DGKH: variants seen among roughly 807,000 people sequenced by gnomAD.
The protein encoded by DGKH is diacylglycerol kinase eta.
DGKH carries 90 observed loss-of-function variants against 159.3 expected under a neutral mutation model. The observed-to-expected ratio is 0.57, with a 90% confidence interval of 0.48 to 0.67. The LOEUF is 0.67. Ranked by LOEUF, DGKH falls within the 30% of genes least tolerant of loss-of-function variation. The pLI, the probability that DGKH is intolerant of heterozygous loss-of-function variation, is 0.00. For synonymous variants in DGKH, 536 were observed against 553.8 expected (o/e 0.97, Z 0.45); for missense variants, 1,181 against 1,506.1 (o/e 0.78, Z 3.57).
chr13:42,126,282 G>A (rs551089985), intron 1 of DGKH, among the ~76,000 whole-genome samples: 2 of 152,310 alleles, frequency 1.3e-5, no homozygotes, highest in Admixed American at 1.3e-4. Flanking sequence ...ATAAGATCAG[G>A]ATGGGGGAAA....
intron 30 of DGKH, chr13:42,255,964 G>T: frequency 6.2e-7 from 1 of 1,611,006 alleles, no homozygotes; most frequent in South Asian, 1.1e-5. Flanking sequence ...ATGACGCTCT[G>T]GTTGAGCTCA....
At chr13:42,046,450 T>G (rs1880798572), upstream of DGKH, among the ~76,000 whole-genome samples, 1 of 152,206 alleles carries the variant, frequency 6.6e-6, no homozygotes, top group African/African-American at 2.4e-5. Flanking sequence ...AATAATGGAT[T>G]CGTTGAAACT....
intron 13 of DGKH, among the ~76,000 whole-genome samples, chr13:42,185,867 T>C (rs906538797): frequency 6.6e-6 from 1 of 152,206 alleles, no homozygotes; most frequent in African/African-American, 2.4e-5. Flanking sequence ...TTAGAAAATA[T>C]TACCTTTTGT....
chr13:42,080,816 T>C (rs1383410449), intron 1 of DGKH, among the ~76,000 whole-genome samples: 2 of 152,174 alleles, frequency 1.3e-5, no homozygotes, highest in African/African-American at 4.8e-5. Flanking sequence ...TTTTATCTCA[T>C]TATTTATCCG....
intron 1 of DGKH, among the ~76,000 whole-genome samples, chr13:42,088,163 T>C (rs533071526): frequency 1.3e-5 from 2 of 152,282 alleles, no homozygotes; most frequent in South Asian, 4.1e-4. Flanking sequence ...AATTATATGC[T>C]CAGTGAAAAA....
rs1367723763 is a variant in DGKH at position 42,234,382 on chromosome 13, A to G, written c.*5194A>G. On this transcript the variant is annotated 3_prime_UTR_variant, in exon 30 of 30. Coordinates refer to ENST00000337343, the MANE Select transcript of DGKH (RefSeq NM_178009.5). ...GGGGCTGCCACTATACAGCACTTCT[A>G]AAGTAAAACATCTTCTATCTCCAAC... The G allele has an allele frequency of 1.3e-5, 2 of 152,214 alleles. No homozygotes were observed. The highest frequency in any genetic ancestry group is 2.1e-4 in the South Asian group (1 of 4,832). 9.4% of individuals were successfully genotyped at this position (152,214 alleles called of 1,614,324 possible).
At chr13:42,185,257 A>G (rs530572318) in intron 13 of DGKH, among the ~76,000 whole-genome samples, 1 of 152,206 alleles carries the variant, frequency 6.6e-6, no homozygotes, top group Non-Finnish European at 1.5e-5. Context: ...TAGCATATGG[A>G]ACTTAATGAG....
chr13:42,151,598 CA>C (rs1955900814), intron 3 of DGKH, among the ~76,000 whole-genome samples: 1 of 129,040 alleles, frequency 7.7e-6, no homozygotes, highest in South Asian at 2.6e-4. Flanking sequence ...CACACACACA[CA>C]CACACACACA....
intron 3 of DGKH, among the ~76,000 whole-genome samples, chr13:42,148,517 C>T (rs541607142): frequency 6.2e-4 from 94 of 152,268 alleles, no homozygotes; most frequent in African/African-American, 2.1e-3. Context: ...CATGCCCTGC[C>T]ATGCCTTTCC....
intron 1 of DGKH, among the ~76,000 whole-genome samples, chr13:42,078,164 G>A (rs1163543381): frequency 2.0e-5 from 3 of 152,228 alleles, no homozygotes; most frequent in Non-Finnish European, 4.4e-5. Flanking sequence ...GCATCAGTGA[G>A]CTTTCAATGT....
rs568822308 is a variant in DGKH at position 42,040,902 on chromosome 13, G to A, written c.-13+776G>A. Among the ~76,000 whole-genome samples the A allele has an allele frequency of 1.3e-3, 195 of 148,626 alleles. 1 individual carries two copies. The highest frequency in any genetic ancestry group is 4.5e-3 in the African/African-American group (183 of 41,036). ...GGCGCGATGGAGCCTCAGCACGTGC[G>A]CCCCGCGCCCGGCGCCCGCAGCCCA... On this transcript the variant is annotated intron_variant, in intron 1 of 29. Coordinates refer to the DGKH transcript ENST00000379274.
chr13:42,068,074 C>T (rs901128218), intron 1 of DGKH, among the ~76,000 whole-genome samples: 5 of 152,006 alleles, frequency 3.3e-5, no homozygotes, highest in African/African-American at 1.2e-4. Flanking sequence ...CAAGCACCTC[C>T]AAAATACAAA....
chr13:42,194,378 C>T (rs1259470346), intron 16 of DGKH, among the ~76,000 whole-genome samples: 2 of 152,206 alleles, frequency 1.3e-5, no homozygotes, highest in Non-Finnish European at 2.9e-5. Flanking sequence ...AGTGATCCTC[C>T]TGCCTTAGCC....
At chr13:42,040,512 G>A (rs1195392528) in intron 1 of DGKH, among the ~76,000 whole-genome samples, 3 of 151,658 alleles carry the variant, frequency 2.0e-5, no homozygotes, top group Admixed American at 1.3e-4. Context: ...GCGGGGGGGA[G>A]GGGCGGGTAG....
chr13:42,202,161 CAT>C (rs1383722959), intron 20 of DGKH, among the ~76,000 whole-genome samples: 1 of 152,064 alleles, frequency 6.6e-6, no homozygotes, highest in Admixed American at 6.6e-5. Flanking sequence ...TAAATGAAAA[CAT>C]GTTAATATAC....
At chr13:42,246,038 T>C (rs966941103), downstream of DGKH, among the ~76,000 whole-genome samples, 1 of 152,244 alleles carries the variant, frequency 6.6e-6, no homozygotes, top group Admixed American at 6.5e-5. Flanking sequence ...GTTATAGTAC[T>C]AGCAAGTTAG....
chr13:42,040,424 C>T (rs1024128321), intron 1 of DGKH, among the ~76,000 whole-genome samples: 5 of 151,794 alleles, frequency 3.3e-5, no homozygotes, highest in Admixed American at 2.0e-4. Flanking sequence ...CACCCGGCGG[C>T]CGCTTTCGGT....
chr13:42,198,431 G>GT (rs1226918897), intron 17 of DGKH, 47 bp from the exon 18 acceptor site: 1 of 1,557,078 alleles, frequency 6.4e-7, no homozygotes, highest in Non-Finnish European at 8.8e-7. Flanking sequence ...TTCTTTCTGT[G>GT]TTTTTTCTTA....
chr13:42,132,441 A>C (rs1333882237), intron 3 of DGKH, among the ~76,000 whole-genome samples: 1 of 152,210 alleles, frequency 6.6e-6, no homozygotes, highest in African/African-American at 2.4e-5. Flanking sequence ...AGAATTTAAG[A>C]TTTGAAGCAT....
Sources: allele counts gnomAD v4.1 joint callset (sites outside exome capture counted in the v4.1 genomes callset), GRCh38; gene constraint gnomAD v4.1.1; transcripts MANE v1.5; gene names NCBI Gene and HGNC (gene_info 2026-07-23, HGNC 2026-07-21).